TUSC3: variants seen among roughly 807,000 people sequenced by gnomAD.
TUSC3 encodes tumor suppressor candidate 3.
In TUSC3, 45 loss-of-function variants were observed where a neutral mutation model predicts 44.8. That is an observed-to-expected ratio of 1.00 (90% CI 0.79 to 1.29). TUSC3 has a LOEUF of 1.29. TUSC3 is among the 50% of genes most tolerant of loss of function. The pLI, the probability that TUSC3 is intolerant of heterozygous loss-of-function variation, is 0.00. For synonymous variants in TUSC3, 212 were observed against 152.9 expected, an observed-to-expected ratio of 1.39 and a Z score of -2.85; for missense variants, 519 against 437.9, an observed-to-expected ratio of 1.19 and a Z score of -1.65.
chr8:15,828,519 T>C, the TUSC3 span, among the ~76,000 whole-genome samples: 14 of 152,198 alleles, frequency 9.2e-5, no homozygotes, highest in Admixed American at 3.3e-4. Context: ...CTACCAACTG[T>C]TTATTTTAGA....
intron 6 of TUSC3, among the ~76,000 whole-genome samples, chr8:15,684,635 A>T (rs1283414077): frequency 6.6e-6 from 1 of 152,082 alleles, no homozygotes; most frequent in African/African-American, 2.4e-5. Flanking sequence ...GAAAGGAGGG[A>T]TGCCCAGCTC....
chr8:15,540,665 C>CGCCGGCGTGGGCGAT lies in TUSC3; in HGVS notation c.138+105_138+119dup, dbSNP rs1442568771. On this transcript the variant is annotated intron_variant, in intron 1 of 10. Coordinates refer to ENST00000503731, the MANE Select transcript of TUSC3 (RefSeq NM_006765.4). ...CTGCCGTGTTGCTAGGCAGCCTGGT[C>CGCCGGCGTGGGCGAT]GCCGGCGTGGGCGATGCCGGCGCTG... 52 of 1,411,090 alleles carry CGCCGGCGTGGGCGAT rather than the reference C, an allele frequency of 3.7e-5. 1 individual carries two copies. The Admixed American group carries it at 8.0e-4, about 22-fold the overall frequency. 87.4% of individuals were successfully genotyped at this position (1,411,090 alleles called of 1,614,324 possible). A position where few individuals can be genotyped will look rare whatever the true frequency, so the allele number is the denominator to read the frequency against.
intron 2 of TUSC3, among the ~76,000 whole-genome samples, chr8:15,633,122 G>A (rs1219090183): frequency 1.3e-5 from 2 of 152,152 alleles, no homozygotes; most frequent in Admixed American, 6.5e-5. Context: ...ATGTGTATAC[G>A]TATTTTAAAA....
intron 2 of TUSC3, among the ~76,000 whole-genome samples, chr8:15,533,676 C>A (rs147296553): frequency 0.012 from 1,853 of 152,164 alleles, 37 homozygotes; most frequent in African/African-American, 0.042. Context: ...GAGAAAAAAC[C>A]TGAGAGGGGC....
chr8:15,731,381 G>GT (rs1810716154), intron 7 of TUSC3, among the ~76,000 whole-genome samples: 1 of 152,176 alleles, frequency 6.6e-6, no homozygotes, highest in African/African-American at 2.4e-5. Flanking sequence ...TTATGAGAAT[G>GT]TAACGTGTGC....
intron 2 of TUSC3, among the ~76,000 whole-genome samples, chr8:15,520,886 C>T (rs1254867433): frequency 6.6e-6 from 1 of 152,134 alleles, no homozygotes; most frequent in Non-Finnish European, 1.5e-5. Context: ...TAGAAGCAAA[C>T]CACCCTTAAC....
chr8:15,610,076 C>A (rs1804696250), intron 1 of TUSC3, among the ~76,000 whole-genome samples: 1 of 151,702 alleles, frequency 6.6e-6, no homozygotes, highest in Admixed American at 6.6e-5. Flanking sequence ...AACTATTTTT[C>A]TTTTGGAAAT....
chr8:15,463,102 C>G (rs964157173), intron 1 of TUSC3, among the ~76,000 whole-genome samples: 1 of 151,968 alleles, frequency 6.6e-6, no homozygotes, highest in Non-Finnish European at 1.5e-5. Flanking sequence ...CTGTGTCTCT[C>G]TCTCTGTTTT....
At chr8:15,547,992 A>G (rs181826620) in intron 1 of TUSC3, among the ~76,000 whole-genome samples, 28 of 151,162 alleles carry the variant, frequency 1.9e-4, no homozygotes, top group Admixed American at 1.1e-3. Flanking sequence ...TTTTTTATTT[A>G]TTTTTAATTG....
intron 6 of TUSC3, among the ~76,000 whole-genome samples, chr8:15,699,888 A>G (rs1809322806): frequency 6.6e-6 from 1 of 152,208 alleles, no homozygotes; most frequent in Admixed American, 6.5e-5. Context: ...GAAGAATTAT[A>G]TAAGCATCAG....
chr8:15,818,090 G>C, the TUSC3 span, among the ~76,000 whole-genome samples: 1 of 152,174 alleles, frequency 6.6e-6, no homozygotes, highest in Non-Finnish European at 1.5e-5. Context: ...GAGAAGAGCA[G>C]AGATAAGATT....
intron 9 of TUSC3, among the ~76,000 whole-genome samples, chr8:15,755,995 T>C (rs1031880804): frequency 6.6e-6 from 1 of 152,186 alleles, no homozygotes; most frequent in Non-Finnish European, 1.5e-5. Flanking sequence ...GTCTCTGCTT[T>C]TGAGACATGA....
intron 1 of TUSC3, among the ~76,000 whole-genome samples, chr8:15,559,396 AT>A (rs1802377062): frequency 6.7e-6 from 1 of 148,312 alleles, no homozygotes; most frequent in Non-Finnish European, 1.5e-5. Flanking sequence ...GTTCTTTTAC[AT>A]TTGCTGAGGA....
At chr8:15,498,658 T>G (rs1439713470) in intron 2 of TUSC3, among the ~76,000 whole-genome samples, 1 of 152,230 alleles carries the variant, frequency 6.6e-6, no homozygotes, top group Non-Finnish European at 1.5e-5. Context: ...CTTCTGCCAG[T>G]TGCCTTCTTA....
intron 6 of TUSC3, among the ~76,000 whole-genome samples, chr8:15,726,617 C>A (rs558689057): frequency 1.3e-5 from 2 of 152,090 alleles, no homozygotes; most frequent in African/African-American, 2.4e-5. Context: ...ACCAGCCTGG[C>A]CAACGTGGTG....
At chr8:15,643,827 T>G (rs1385208464) in intron 2 of TUSC3, among the ~76,000 whole-genome samples, 1 of 152,204 alleles carries the variant, frequency 6.6e-6, no homozygotes, top group Non-Finnish European at 1.5e-5. Context: ...AGTTGTTTTT[T>G]TCTTCTCGAG....
the TUSC3 span, among the ~76,000 whole-genome samples, chr8:15,801,707 G>C: frequency 6.6e-6 from 1 of 152,116 alleles, no homozygotes; most frequent in East Asian, 1.9e-4. Context: ...GGGTGTGGCA[G>C]TCCATGTAGA....
chr8:15,655,090 T>C (rs575325853), intron 3 of TUSC3, among the ~76,000 whole-genome samples: 1 of 152,064 alleles, frequency 6.6e-6, no homozygotes, highest in South Asian at 2.1e-4. Context: ...CAGGAGAGGG[T>C]CCCTCACCCC....
intron 9 of TUSC3, among the ~76,000 whole-genome samples, chr8:15,751,843 C>G (rs754453296): frequency 1.3e-5 from 2 of 152,124 alleles, no homozygotes; most frequent in Admixed American, 1.3e-4. Context: ...ACAGCTGAGT[C>G]AGAATCTCCA....
Sources: allele counts gnomAD v4.1 joint callset (sites outside exome capture counted in the v4.1 genomes callset), GRCh38; gene constraint gnomAD v4.1.1; transcripts MANE v1.5; gene names NCBI Gene and HGNC (gene_info 2026-07-23, HGNC 2026-07-21).